The following FRMD4A variants were observed in gnomAD, a reference collection of about 807,000 sequenced individuals.
FRMD4A encodes FERM domain-containing protein 4A.
FRMD4A carries 29 observed loss-of-function variants against 129.1 expected under a neutral mutation model. That is an observed-to-expected ratio of 0.22 (90% CI 0.17 to 0.31). The LOEUF is 0.31. FRMD4A is among the 10% of genes least tolerant of loss of function. FRMD4A has a pLI of 1.00. For missense variants in FRMD4A, 1,272 were observed against 1,375.8 expected, an observed-to-expected ratio of 0.92 and a Z score of 1.19; for synonymous variants, 634 against 571.6, an observed-to-expected ratio of 1.11 and a Z score of -1.56.
chr10:14,092,559 G>C (rs1267073547), intron 2 of FRMD4A, among the ~76,000 whole-genome samples: 1 of 152,264 alleles, frequency 6.6e-6, no homozygotes, highest in Admixed American at 6.5e-5. Context: ...TCAGTGCCCA[G>C]CTCGGAGTCT....
At chr10:13,836,948 G>T (rs561944174) in intron 3 of FRMD4A, among the ~76,000 whole-genome samples, 1 of 151,958 alleles carries the variant, frequency 6.6e-6, no homozygotes, top group African/African-American at 2.4e-5. Context: ...TAGTAGAGAC[G>T]GGGTTTCACC....
chr10:13,898,599 C>G, intron 2 of FRMD4A, among the ~76,000 whole-genome samples: 1 of 152,148 alleles, frequency 6.6e-6, no homozygotes, highest in Non-Finnish European at 1.5e-5. Flanking sequence ...GTTCTTAACT[C>G]TAGGATTTGA....
At chr10:14,062,514 C>G (rs770434555) in intron 2 of FRMD4A, among the ~76,000 whole-genome samples, 11 of 152,180 alleles carry the variant, frequency 7.2e-5, no homozygotes, top group Non-Finnish European at 1.5e-4. Flanking sequence ...AATGGTGAAA[C>G]CGACTCTAAG....
chr10:14,057,789 C>G (rs1208711945), intron 2 of FRMD4A, among the ~76,000 whole-genome samples: 1 of 152,160 alleles, frequency 6.6e-6, no homozygotes, highest in Non-Finnish European at 1.5e-5. Flanking sequence ...AGGCTGGTCT[C>G]AAACTCCTGA....
At chr10:14,251,727 C>A (rs1202179554) in intron 2 of FRMD4A, among the ~76,000 whole-genome samples, 1 of 152,142 alleles carries the variant, frequency 6.6e-6, no homozygotes, top group Non-Finnish European at 1.5e-5. Flanking sequence ...GCCCTGGAGC[C>A]AGATTCCTGG....
At chr10:13,685,626 C>T (rs1403313215) in intron 15 of FRMD4A, 1 of 984,522 alleles carries the variant, frequency 1.0e-6, no homozygotes. Flanking sequence ...TAAATGGGAA[C>T]AGAGAAACGC....
chr10:14,181,350 C>T (rs1337516483), intron 2 of FRMD4A, among the ~76,000 whole-genome samples: 8 of 152,020 alleles, frequency 5.3e-5, no homozygotes, highest in East Asian at 3.9e-4. Flanking sequence ...AGAAGAAAAC[C>T]GACAGCTGCT....
intron 2 of FRMD4A, among the ~76,000 whole-genome samples, chr10:13,879,742 C>A (rs2094526147): frequency 7.0e-6 from 1 of 142,302 alleles, no homozygotes. Flanking sequence ...TCCTCCTCTC[C>A]CTTCTCCCCC....
At chr10:14,233,394 A>T (rs1843698930) in intron 2 of FRMD4A, among the ~76,000 whole-genome samples, 1 of 133,258 alleles carries the variant, frequency 7.5e-6, no homozygotes, top group African/African-American at 2.8e-5. Context: ...ACATGGTGAA[A>T]CCCCATCTGT....
intron 2 of FRMD4A, among the ~76,000 whole-genome samples, chr10:14,137,233 A>G (rs1839584979): frequency 1.3e-5 from 2 of 152,208 alleles, no homozygotes; most frequent in South Asian, 2.1e-4. Flanking sequence ...ATTAAAAATC[A>G]TCTTCCTCTG....
chr10:13,876,441 T>A (rs1376955347), intron 2 of FRMD4A, among the ~76,000 whole-genome samples: 4 of 152,234 alleles, frequency 2.6e-5, no homozygotes, highest in Non-Finnish European at 5.9e-5. Flanking sequence ...CATATAAATG[T>A]GTGGTCGAAC....
chr10:14,113,653 G>A (rs759265808), intron 2 of FRMD4A, among the ~76,000 whole-genome samples: 4 of 152,104 alleles, frequency 2.6e-5, no homozygotes, highest in Non-Finnish European at 5.9e-5. Context: ...ACATAAAAAA[G>A]CCATTTTCAG....
At position 13,880,995 on chromosome 10, in the gene FRMD4A, G is replaced by A. The variant is rs150247956; in HGVS notation, c.46-22083C>T. On this transcript the variant is annotated intron_variant, in intron 2 of 24. Coordinates refer to ENST00000357447, the MANE Select transcript of FRMD4A (RefSeq NM_018027.5). ...CTGCCACATTCCTGGAATGTTCAAG[G>A]CATACCAATAGGTATGTGTTGAATG... 1.2e-3 allele frequency among the ~76,000 whole-genome samples: 187 copies of A among 152,204 alleles called. 1 individual carries two copies. Among genetic ancestry groups the A allele is most frequent in the African/African-American group, 4.4e-3 (182 of 41,520 alleles).
intron 2 of FRMD4A, among the ~76,000 whole-genome samples, chr10:14,297,229 A>T (rs1024931517): frequency 2.0e-5 from 3 of 152,126 alleles, no homozygotes; most frequent in African/African-American, 7.2e-5. Context: ...TACTTGGAGC[A>T]AAAGTGATAG....
chr10:14,127,203 A>G (rs1478146547), intron 2 of FRMD4A, among the ~76,000 whole-genome samples: 1 of 152,230 alleles, frequency 6.6e-6, no homozygotes, highest in African/African-American at 2.4e-5. Flanking sequence ...AAGGCTCAGC[A>G]TTCAGGTGGA....
chr10:14,243,155 C>T (rs568993081), intron 2 of FRMD4A, among the ~76,000 whole-genome samples: 26 of 152,256 alleles, frequency 1.7e-4, no homozygotes, highest in African/African-American at 6.0e-4. Context: ...CACAAATAAA[C>T]CTTGAGAACA....
At chr10:14,239,396 G>C (rs1843949077) in intron 2 of FRMD4A, among the ~76,000 whole-genome samples, 1 of 152,164 alleles carries the variant, frequency 6.6e-6, no homozygotes, top group African/African-American at 2.4e-5. Flanking sequence ...GGGAGGCCGA[G>C]GCGGGCGGAT....
chr10:13,662,056 C>T (rs10737076), intron 19 of FRMD4A, among the ~76,000 whole-genome samples: 117,617 of 152,018 alleles, frequency 0.77, 46,234 homozygotes, highest in East Asian at 0.87. Flanking sequence ...GCTGGAATCA[C>T]GGAATGATAT....
intron 2 of FRMD4A, among the ~76,000 whole-genome samples, chr10:14,253,226 G>C (rs144480955): frequency 1.3e-5 from 2 of 152,182 alleles, no homozygotes; most frequent in Non-Finnish European, 2.9e-5. Context: ...GCTGAAGACC[G>C]AGAAACTGTG....
Sources: gnomAD v4.1 joint callset for allele counts (sites outside exome capture counted in the v4.1 genomes callset) on GRCh38, gnomAD v4.1.1 for gene constraint, MANE v1.5 for transcripts, NCBI Gene and HGNC (gene_info 2026-07-23, HGNC 2026-07-21) for gene names.